THSD4: variants seen among roughly 807,000 people sequenced by gnomAD.
The protein encoded by THSD4 is thrombospondin type 1 domain containing 4, also known as thrombospondin type-1 domain-containing protein 4.
THSD4 carries 69 observed loss-of-function variants against 119.0 expected under a neutral mutation model. The observed-to-expected ratio is 0.58, with a 90% CI of 0.48 to 0.71. The LOEUF (loss-of-function observed/expected upper bound fraction) is 0.71. Ranked by LOEUF, THSD4 falls within the 30% of genes least tolerant of loss-of-function variation. The pLI is 0.00. For missense variants in THSD4, 1,393 were observed against 1,391.1 expected (o/e 1.00, Z -0.02); for synonymous variants, 524 against 540.4 (o/e 0.97, Z 0.42).
At chr15:71,586,771 A>G (rs1176757027) in intron 7 of THSD4, among the ~76,000 whole-genome samples, 1 of 152,202 alleles carries the variant, frequency 6.6e-6, no homozygotes. Flanking sequence ...TATGCAGTAC[A>G]GCAGAAGCAG....
chr15:71,580,417 A>G (rs1254022592), intron 7 of THSD4, among the ~76,000 whole-genome samples: 1 of 152,198 alleles, frequency 6.6e-6, no homozygotes, highest in Non-Finnish European at 1.5e-5. Flanking sequence ...ATATATATAT[A>G]CATTGTAAAA....
At chr15:71,384,079 G>A (rs2046262726) in intron 6 of THSD4, among the ~76,000 whole-genome samples, 1 of 152,134 alleles carries the variant, frequency 6.6e-6, no homozygotes, top group Admixed American at 6.5e-5. Context: ...TAACAAATAG[G>A]GCAAAGAAAC....
intron 6 of THSD4, among the ~76,000 whole-genome samples, chr15:71,264,486 A>T (rs150613638): frequency 1.9e-3 from 291 of 152,300 alleles, no homozygotes; most frequent in Middle Eastern, 3.4e-3. Flanking sequence ...CCAGAGGGCA[A>T]CCTCTTTGTG....
intron 7 of THSD4, among the ~76,000 whole-genome samples, chr15:71,446,123 A>G (rs573914358): frequency 2.6e-5 from 4 of 152,336 alleles, no homozygotes; most frequent in African/African-American, 9.6e-5. Context: ...TATAAATGTC[A>G]ATATCAATTC....
At chr15:71,276,573 C>T (rs1311788766) in intron 6 of THSD4, among the ~76,000 whole-genome samples, 1 of 152,134 alleles carries the variant, frequency 6.6e-6, no homozygotes. Flanking sequence ...TGCCTCTTTG[C>T]CAGTTCTATG....
chr15:71,607,781 G>C (rs900650254), intron 7 of THSD4, among the ~76,000 whole-genome samples: 3 of 152,198 alleles, frequency 2.0e-5, no homozygotes, highest in African/African-American at 7.2e-5. Context: ...TTAAGGAAGT[G>C]CCTAGAATCT....
chr15:71,122,918 A>G (rs1287147395), intron 1 of THSD4, among the ~76,000 whole-genome samples: 1 of 152,216 alleles, frequency 6.6e-6, no homozygotes, highest in Admixed American at 6.5e-5. Flanking sequence ...GAGCTGTAAT[A>G]AGAGTGGTCC....
chr15:71,470,478 A>G (rs1324052445), intron 7 of THSD4, among the ~76,000 whole-genome samples: 3 of 152,226 alleles, frequency 2.0e-5, no homozygotes, highest in Non-Finnish European at 4.4e-5. Flanking sequence ...GTACTGTTGT[A>G]AGCATTTTAT....
chr15:71,601,330 A>C (rs1044481389), intron 7 of THSD4, among the ~76,000 whole-genome samples: 2 of 152,126 alleles, frequency 1.3e-5, no homozygotes, highest in African/African-American at 4.8e-5. Context: ...ATCAGCCTAG[A>C]ATGGAAGCCT....
intron 7 of THSD4, among the ~76,000 whole-genome samples, chr15:71,494,183 A>G (rs1051262496): frequency 1.3e-5 from 2 of 152,076 alleles, no homozygotes; most frequent in African/African-American, 2.4e-5. Context: ...AGGAAGAACT[A>G]TTTTTCCATT....
At chr15:71,642,058 CAGAG>C (rs1382051047) in intron 7 of THSD4, among the ~76,000 whole-genome samples, 1 of 152,160 alleles carries the variant, frequency 6.6e-6, no homozygotes, top group African/African-American at 2.4e-5. Context: ...GGACCGTACA[CAGAG>C]AGAAGAGGAT....
chr15:71,608,249 T>TATACAC (rs772729777), intron 7 of THSD4, among the ~76,000 whole-genome samples: 6,352 of 106,058 alleles, frequency 0.06, 263 homozygotes, highest in Non-Finnish European at 0.083. Context: ...TATATATATA[T>TATACAC]ACACACACAC....
chr15:71,571,012 G>C (rs2049342708), intron 7 of THSD4, among the ~76,000 whole-genome samples: 1 of 152,168 alleles, frequency 6.6e-6, no homozygotes, highest in African/African-American at 2.4e-5. Context: ...CTTGGGGCTA[G>C]GGTGTGTGGG....
chr15:71,655,288 T>G lies in THSD4; in HGVS notation c.1153-5242T>G, dbSNP rs143902481. 7.4e-4 allele frequency among the ~76,000 whole-genome samples: 113 copies of G among 152,326 alleles called. 1 individual carries two copies. Among genetic ancestry groups the G allele is most frequent in the South Asian group, 4.4e-3 (21 of 4,822 alleles). ...AGGTACCGTTTGAGCAGTGAGAATG[T>G]AGAAGCTGTATGAGGTGTCTTGACT... On this transcript the variant is annotated intron_variant, in intron 7 of 17. Transcript: ENST00000261862.
At chr15:71,675,341 G>A (rs1182816879) in intron 8 of THSD4, among the ~76,000 whole-genome samples, 3 of 152,104 alleles carry the variant, frequency 2.0e-5, no homozygotes, top group African/African-American at 4.8e-5. Context: ...TCTCCAGCTC[G>A]GTACTTAAAT....
chr15:71,200,902 C>T (rs1172403407), intron 3 of THSD4, among the ~76,000 whole-genome samples: 1 of 152,194 alleles, frequency 6.6e-6, no homozygotes, highest in Admixed American at 6.5e-5. Context: ...TCGCGAGCAG[C>T]CGCCTTTCCC....
intron 7 of THSD4, among the ~76,000 whole-genome samples, chr15:71,485,673 C>T (rs940540685): frequency 6.6e-5 from 10 of 150,694 alleles, no homozygotes; most frequent in Admixed American, 3.3e-4. Context: ...GTCCAGGGCC[C>T]ACAGCTCTTA....
chr15:71,186,333 A>C (rs947548363), intron 3 of THSD4: 2 of 152,250 alleles, frequency 1.3e-5, no homozygotes, highest in Non-Finnish European at 2.9e-5. Flanking sequence ...CCTCATTTAC[A>C]CAACCTGGTC....
At chr15:71,143,927 C>T (rs1358601229) in intron 2 of THSD4, among the ~76,000 whole-genome samples, 4 of 151,932 alleles carry the variant, frequency 2.6e-5, no homozygotes, top group Non-Finnish European at 5.9e-5. Flanking sequence ...GATCATCTCC[C>T]TTTGCGGGAG....
Sources: allele counts gnomAD v4.1 joint callset (sites outside exome capture counted in the v4.1 genomes callset), GRCh38; gene constraint gnomAD v4.1.1; transcripts MANE v1.5; gene names NCBI Gene and HGNC (gene_info 2026-07-23, HGNC 2026-07-21).